BCL11B: variants seen among roughly 807,000 people sequenced by gnomAD.
The protein encoded by BCL11B is B-cell lymphoma/leukemia 11B.
Under a neutral mutation model 49.9 loss-of-function variants are expected in BCL11B, and 8 were observed. That is an observed-to-expected ratio of 0.16 (90% CI 0.09 to 0.29). The LOEUF (loss-of-function observed/expected upper bound fraction) is 0.29, where lower values mean the gene tolerates loss of function less well. BCL11B is among the 10% of genes least tolerant of loss of function. The pLI, the probability that BCL11B is intolerant of heterozygous loss-of-function variation, is 1.00. For synonymous variants in BCL11B, 739 were observed against 637.4 expected, an observed-to-expected ratio of 1.16 and a Z score of -2.40; for missense variants, 1,006 against 1,351.0, an observed-to-expected ratio of 0.74 and a Z score of 4.00.
Position 99,241,767 on chromosome 14 carries a change from C to T in BCL11B, c.428-10210G>A, listed in dbSNP as rs570279057. Among the ~76,000 whole-genome samples the T allele has an allele frequency of 1.3e-5, 2 of 151,858 alleles. No individual in the cohort carries two copies. Among genetic ancestry groups the T allele is most frequent in the African/African-American group, 2.4e-5 (1 of 41,468 alleles). The stretch of plus-strand genomic sequence containing the variant: ...AAAACATCAGTGTCACTAAAAAAAA[C>T]GTCACTCTGTTTTGCAAAATCCAGC... On this transcript the variant is annotated intron_variant, in intron 2 of 3. Coordinates refer to ENST00000357195, the MANE Select transcript of BCL11B (RefSeq NM_138576.4). The surrounding 1 kb of genome is among the most constrained non-coding windows in gnomAD (Gnocchi z 4.4).
chr14:99,235,000 T>A (rs1457201698), intron 2 of BCL11B, among the ~76,000 whole-genome samples: 1 of 151,958 alleles, frequency 6.6e-6, no homozygotes, highest in Non-Finnish European at 1.5e-5. Flanking sequence ...GTCACCCGTC[T>A]CTCTTCTAGA....
In BCL11B at chr14:99,170,677, A is replaced by T. The variant is rs535680637; in HGVS notation, c.*3474T>A. 8.6e-6 allele frequency: 2 copies of T among 233,450 alleles called. No homozygotes were observed. The highest frequency in any genetic ancestry group is 4.4e-5 in the African/African-American group (2 of 45,446). The allele number at this position is 233,450 out of a possible 1,614,324, so 14.5% of individuals were successfully genotyped here. On this transcript the variant is annotated 3_prime_UTR_variant, in exon 4 of 4. Coordinates refer to ENST00000357195, the MANE Select transcript of BCL11B (RefSeq NM_138576.4). ...CACCAAATTCATCCCAGGCCCTCGC[A>T]TTCGGAAACTGACGGAATGTAGGTT...
chr14:99,183,771 A>G (rs1354314521), intron 3 of BCL11B, among the ~76,000 whole-genome samples: 1 of 151,924 alleles, frequency 6.6e-6, no homozygotes, highest in Non-Finnish European at 1.5e-5. Flanking sequence ...AGTCCCACCA[A>G]GACAAGGACT....
At chr14:99,197,655 C>T (rs762466389) in intron 3 of BCL11B, among the ~76,000 whole-genome samples, 6 of 152,116 alleles carry the variant, frequency 3.9e-5, no homozygotes, top group Non-Finnish European at 5.9e-5. Flanking sequence ...ACACCCCGCA[C>T]GCACTCTTCC....
Position 99,174,861 on chromosome 14 carries a change from C to T in BCL11B, c.1975G>A (p.Ala659Thr), listed in dbSNP as rs759392301. The T allele has an allele frequency of 7.2e-5, 87 of 1,204,246 alleles. 1 individual carries two copies. In the African/African-American group the frequency reaches 1.3e-3, roughly 17 times the overall value. 74.6% of individuals were successfully genotyped at this position (1,204,246 alleles called of 1,614,324 possible). A position where few individuals can be genotyped will look rare whatever the true frequency, so the allele number is the denominator to read the frequency against. The change falls in exon 4 of 4, where the codon GCG becomes ACG. Residue 659 changes from alanine to threonine, a missense_variant. By Grantham distance (58) the Ala-to-Thr change is moderately conservative (BLOSUM62 0). This residue lies in a region of BCL11B where 443 missense variants were observed against 499.7 expected (regional missense o/e 0.89). Coordinates refer to ENST00000357195, the MANE Select transcript of BCL11B (RefSeq NM_138576.4). Reference protein sequence around the residue: ...GAVNGRGGGFAPGTEPFPGLF... With the variant: ...GAVNGRGGGFTPGTEPFPGLF... ...CCGGGGAAGGGCTCGGTGCCTGGCGCGAAGCCGCCCCCGCGCCCGTTGACC... is the reference window on the plus strand; with the variant it reads ...CCGGGGAAGGGCTCGGTGCCTGGCGTGAAGCCGCCCCCGCGCCCGTTGACC...
At position 99,184,914 on chromosome 14, in the gene BCL11B, G is replaced by A. The variant is rs1055573627; in HGVS notation, c.641-8719C>T. 8.5e-5 allele frequency among the ~76,000 whole-genome samples: 13 copies of A among 152,154 alleles called. No individual in the cohort carries two copies. Among genetic ancestry groups the A allele is most frequent in the Admixed American group, 3.3e-4 (5 of 15,274 alleles). ...TCTGCCTGGACTTAATTCAGGCTTT[G>A]AGAAAAACCTTAGGAAGCTGGGCCT... On this transcript the variant is annotated intron_variant, in intron 3 of 3. Coordinates refer to ENST00000357195, the MANE Select transcript of BCL11B (RefSeq NM_138576.4). The surrounding 1 kb of genome is among the most constrained non-coding windows in gnomAD (Gnocchi z 6.1).
intron 3 of BCL11B, among the ~76,000 whole-genome samples, chr14:99,230,153 C>A (rs1888287124): frequency 1.3e-5 from 2 of 152,186 alleles, no homozygotes; most frequent in Admixed American, 6.5e-5. Context: ...CTCTGGAGCC[C>A]AGGAAGCTCT....
intron 3 of BCL11B, among the ~76,000 whole-genome samples, chr14:99,185,160 G>A (rs1191293063): frequency 1.3e-5 from 2 of 152,160 alleles, no homozygotes; most frequent in Non-Finnish European, 1.5e-5. Context: ...GATGAGGACG[G>A]GCGCGGTGGC....
rs1433923927 is a variant in BCL11B at position 99,231,302 on chromosome 14, G to T, written c.640+43C>A. On this transcript the variant is annotated intron_variant, in intron 3 of 3. Coordinates refer to ENST00000357195, the MANE Select transcript of BCL11B (RefSeq NM_138576.4). This position sits in a 1 kb window ranked among gnomAD's most constrained non-coding sequence, Gnocchi z 8.1. ...TCCAGCGCTGCCCATGGCACACCCC[G>T]CCATCCCGGGGGCCCGCCCCCCACC... is the stretch of plus-strand genomic sequence containing the variant. 33 of 1,585,804 alleles carry T rather than the reference G, an allele frequency of 2.1e-5. No homozygotes were observed. The highest frequency in any genetic ancestry group is 2.7e-5 in the Non-Finnish European group (32 of 1,166,068).
chr14:99,222,133 C>T (rs1460574704), intron 3 of BCL11B, among the ~76,000 whole-genome samples: 1 of 152,226 alleles, frequency 6.6e-6, no homozygotes, highest in Non-Finnish European at 1.5e-5. Context: ...ACAGCCCCTC[C>T]ACCCCGACCC....
At chr14:99,223,900 C>G (rs1217543180) in intron 3 of BCL11B, among the ~76,000 whole-genome samples, 1 of 152,162 alleles carries the variant, frequency 6.6e-6, no homozygotes, top group African/African-American at 2.4e-5. Context: ...AGGGAGCACC[C>G]GAGCAGCAGC....
At chr14:99,225,433 G>C (rs189809118) in intron 3 of BCL11B, among the ~76,000 whole-genome samples, 1 of 152,300 alleles carries the variant, frequency 6.6e-6, no homozygotes, top group African/African-American at 2.4e-5. Flanking sequence ...GCCACTTTCC[G>C]AGTCCCTTTA....
rs1195527761 is a variant in BCL11B at position 99,174,613 on chromosome 14, G to A, written c.2223C>T (p.Ser741=). The change falls in exon 4 of 4, where the codon TCC becomes TCT. Residue 741 remains serine (S), a synonymous_variant. Transcript: ENST00000357195. The stretch of plus-strand genomic sequence containing the variant: ...GGCTGCCGTTCTCGGACGAGTGCTC[G>A]GACGACGTGGCGAAGGGCGACTGTC... ...DARQSPFATS[S]EHSSENGSLR... The A allele has an allele frequency of 3.2e-6, 5 of 1,546,488 alleles. No individual in the cohort carries two copies. The South Asian group carries it at 3.6e-5, about 11-fold the overall frequency.
chr14:99,239,004 C>T (rs1208578028), intron 2 of BCL11B, among the ~76,000 whole-genome samples: 2 of 151,864 alleles, frequency 1.3e-5, no homozygotes, highest in East Asian at 4.1e-4. Flanking sequence ...TGCATGTGCA[C>T]ATACACACAC....
rs577846954 is a variant in BCL11B, at chr14:99,197,770, C to A, written c.641-21575G>T. ...GACGGCTGGAGCGGAGACTCAGAGA[C>A]GGAGGCCATCAACTGGACAGCTGCG... On this transcript the variant is annotated intron_variant, in intron 3 of 3. Transcript: ENST00000357195. 2.0e-5 allele frequency among the ~76,000 whole-genome samples: 3 copies of A among 152,276 alleles called. No individual in the cohort carries two copies. In the East Asian group the frequency reaches 5.8e-4, roughly 29 times the overall value.
rs1886421611 is a variant in BCL11B at position 99,174,804 on chromosome 14, T to C, written c.2032A>G (p.Ser678Gly). 5.1e-5 allele frequency: 73 copies of C among 1,421,878 alleles called. No homozygotes were observed. The highest frequency in any genetic ancestry group is 6.6e-5 in the Non-Finnish European group (72 of 1,088,592). 88.1% of individuals were successfully genotyped at this position (1,421,878 alleles called of 1,614,324 possible). ...TTGGCGGCGCTGTTGAGCCCGGGGC[T>C]GGGCAGCGGCGCGGGCTTGCGCGGG... ...LFPRKPAPLPSPGLNSAAKRI... is the reference protein window; with the variant it reads ...LFPRKPAPLPGPGLNSAAKRI... Residue 678 changes from serine to glycine, a missense_variant, in exon 4 of 4, where the codon AGC becomes GGC. Coordinates refer to ENST00000357195, the MANE Select transcript of BCL11B (RefSeq NM_138576.4).
At chr14:99,229,035 G>C (rs374023693) in intron 3 of BCL11B, among the ~76,000 whole-genome samples, 26 of 119,894 alleles carry the variant, frequency 2.2e-4, no homozygotes, top group African/African-American at 7.4e-4. Flanking sequence ...TGGATGGATG[G>C]ATGGATGCAT....
intron 3 of BCL11B, among the ~76,000 whole-genome samples, chr14:99,196,835 G>A (rs767019360): frequency 2.6e-5 from 4 of 152,308 alleles, no homozygotes; most frequent in African/African-American, 4.8e-5. Context: ...CTCGAACACC[G>A]AGCACCTTCA....
intron 3 of BCL11B, among the ~76,000 whole-genome samples, chr14:99,186,663 C>T (rs961265440): frequency 3.9e-5 from 6 of 152,178 alleles, no homozygotes; most frequent in Admixed American, 2.6e-4. Flanking sequence ...TCAGAAAACA[C>T]GCAAGAAACT....
Sources: allele counts gnomAD v4.1 joint callset (sites outside exome capture counted in the v4.1 genomes callset), GRCh38; gene constraint gnomAD v4.1.1; regional missense constraint gnomAD v4.1.1; non-coding constraint Gnocchi (gnomAD v3.1); transcripts MANE v1.5; gene names NCBI Gene and HGNC (gene_info 2026-07-23, HGNC 2026-07-21).